The following DEPDC5 variants were observed in gnomAD, a reference collection of about 807,000 sequenced individuals.
The protein encoded by DEPDC5 is GATOR1 complex protein DEPDC5.
A neutral mutation model predicts 217.3 loss-of-function variants in DEPDC5; 73 were observed. The ratio of observed to expected loss-of-function variants is 0.34; its 90% confidence interval spans 0.28 to 0.41. DEPDC5 has a LOEUF of 0.41. Ranked by LOEUF, DEPDC5 falls within the 10% of genes least tolerant of loss-of-function variation. The probability of loss-of-function intolerance (pLI) is 1.00; values close to 1 mark genes in which losing one functional copy is unlikely to be tolerated. For missense variants in DEPDC5, 1,675 were observed against 2,070.1 expected (o/e 0.81, Z 3.70); for synonymous variants, 733 against 756.7 (o/e 0.97, Z 0.51).
rs534026420 is a variant in DEPDC5, at chr22:31,850,844, G to A, written c.3155+3877G>A. The stretch of plus-strand genomic sequence containing the variant: ...CCAGCACTTTGGGAGGCTGAGGCGG[G>A]TGGAACACAAGGTCAAGAGATTGAG... On this transcript the variant is annotated intron_variant, in intron 31 of 42. Transcript: ENST00000651528. Among the ~76,000 whole-genome samples the A allele has an allele frequency of 2.0e-5, 3 of 152,302 alleles. No individual in the cohort carries two copies. In the South Asian group the frequency reaches 6.2e-4, roughly 32 times the overall value.
Position 31,906,443 on chromosome 22 carries a change from G to A in DEPDC5, c.4758G>A (p.Arg1586=). 5 of 1,614,056 alleles carry A rather than the reference G, an allele frequency of 3.1e-6. No homozygotes were observed. The highest frequency in any genetic ancestry group is 4.2e-6 in the Non-Finnish European group (5 of 1,180,050). ...ACTTCTGCATCAACCGTGACAACCG[G>A]CTGGTCACGTTCTGGACAAGTTGCC... ...FTDFCINRDN[R]LVTFWTSCLE... The change falls in exon 43 of 43, where the codon CGG becomes CGA. Residue 1586 remains arginine, a synonymous_variant. Coordinates refer to ENST00000651528, the MANE Select transcript of DEPDC5 (RefSeq NM_001242896.3). This position sits in a 1 kb window ranked among gnomAD's most constrained non-coding sequence, Gnocchi z 5.1.
chr22:31,787,149 G>A (rs2085085899), intron 10 of DEPDC5, among the ~76,000 whole-genome samples: 3 of 151,992 alleles, frequency 2.0e-5, no homozygotes, highest in East Asian at 3.9e-4. Flanking sequence ...GCAGTGGAGC[G>A]ATCATGGCTC....
chr22:31,857,449 C>A lies in DEPDC5; in HGVS notation c.3160C>A (p.Leu1054Met). The A allele has an allele frequency of 6.2e-7, 1 of 1,604,914 alleles. No individual in the cohort carries two copies. The highest frequency in any genetic ancestry group is 8.5e-7 in the Non-Finnish European group (1 of 1,175,820). Residue 1054 changes from leucine (L) to methionine (M), a missense_variant, in exon 32 of 43, where the codon CTG becomes ATG. Leu to Met is a conservative substitution (Grantham distance 15). Coordinates refer to ENST00000651528, the MANE Select transcript of DEPDC5 (RefSeq NM_001242896.3). ...LLEMEASQKC[L>M]GEQQAAVHGG... ...ATGTGCTTTTCCTCCTTTCAGGTGC[C>A]TGGGAGAACAGCAGGCAGCTGTGCA...
chr22:31,860,752 G>A (rs1054490250), intron 32 of DEPDC5, among the ~76,000 whole-genome samples: 2 of 151,400 alleles, frequency 1.3e-5, no homozygotes, highest in South Asian at 2.1e-4. Flanking sequence ...TCCCCTGTTT[G>A]CTAAAAAAAA....
chr22:31,899,910 C>T (rs2093619332), intron 40 of DEPDC5, among the ~76,000 whole-genome samples: 1 of 152,192 alleles, frequency 6.6e-6, no homozygotes, highest in African/African-American at 2.4e-5. Context: ...CCACCCTTCC[C>T]CCTCCACTCT....
At chr22:31,801,462 C>A (rs1295823228) in intron 14 of DEPDC5, among the ~76,000 whole-genome samples, 1 of 152,066 alleles carries the variant, frequency 6.6e-6, no homozygotes, top group Non-Finnish European at 1.5e-5. Context: ...ATTATCCCGG[C>A]ATTTATGTGT....
intron 10 of DEPDC5, among the ~76,000 whole-genome samples, chr22:31,788,156 A>T (rs1436490499): frequency 6.6e-6 from 1 of 152,084 alleles, no homozygotes; most frequent in African/African-American, 2.4e-5. Flanking sequence ...AAGAATATAC[A>T]TGAATGTCCA....
chr22:31,879,945 C>T (rs2093130288), intron 38 of DEPDC5, 193 bp downstream of exon 38: 2 of 599,394 alleles, frequency 3.3e-6, no homozygotes, highest in South Asian at 3.9e-5. Context: ...ATGACTGTCC[C>T]AACCAACAGA....
chr22:31,761,967 CAAAAAAA>C (rs776677814), intron 4 of DEPDC5, among the ~76,000 whole-genome samples: 1 of 61,356 alleles, frequency 1.6e-5, no homozygotes, highest in Non-Finnish European at 3.8e-5. Flanking sequence ...GACTCCGGCT[CAAAAAAA>C]AAAAAAAAAA....
intron 38 of DEPDC5, among the ~76,000 whole-genome samples, chr22:31,880,705 G>A (rs1283474941): frequency 6.6e-6 from 1 of 152,006 alleles, no homozygotes; most frequent in African/African-American, 2.4e-5. Context: ...TTCAAGACCA[G>A]CCTGACCAAC....
intron 38 of DEPDC5, among the ~76,000 whole-genome samples, chr22:31,888,240 G>GTT (rs71184531): frequency 0.03 from 1,989 of 66,420 alleles, 434 homozygotes; most frequent in East Asian, 0.041. Context: ...TTTGTCTGTG[G>GTT]TTTTTTTTTT....
rs1233032816 is a variant in DEPDC5 at position 31,765,067 on chromosome 22, C to G, written c.279+7C>G. ...TAATGTCGTAGACCCTAAGGTATGT[C>G]TTTGTTTTGTACTTGAATATCTTTT... On this transcript the variant is annotated splice_region_variant and intron_variant, in intron 5 of 42. Transcript: ENST00000651528. 6.2e-7 allele frequency: 1 copy of G among 1,609,580 alleles called. No individual in the cohort carries two copies. Among genetic ancestry groups the G allele is most frequent in the Non-Finnish European group, 8.5e-7 (1 of 1,176,240 alleles).
chr22:31,794,390 A>G (rs2086011689), intron 12 of DEPDC5, among the ~76,000 whole-genome samples: 1 of 152,180 alleles, frequency 6.6e-6, no homozygotes, highest in Admixed American at 6.6e-5. Context: ...TAATTTGAGC[A>G]TGATCAGTTA....
intron 7 of DEPDC5, among the ~76,000 whole-genome samples, chr22:31,772,470 C>T (rs751751902): frequency 2.0e-4 from 31 of 152,196 alleles, no homozygotes; most frequent in Non-Finnish European, 3.4e-4. Flanking sequence ...TGGGTAACTT[C>T]GGTAAACCCT....
intron 41 of DEPDC5, among the ~76,000 whole-genome samples, chr22:31,903,065 A>G (rs1207568402): frequency 6.6e-6 from 1 of 151,506 alleles, no homozygotes; most frequent in Non-Finnish European, 1.5e-5. Context: ...TACCACAGAT[A>G]CCCTCACCTG....
chr22:31,774,812 C>T (rs1449945480), intron 7 of DEPDC5, among the ~76,000 whole-genome samples: 1 of 151,860 alleles, frequency 6.6e-6, no homozygotes, highest in East Asian at 2.0e-4. Flanking sequence ...ATAGTAGATA[C>T]GGGGTTTTAC....
intron 38 of DEPDC5, among the ~76,000 whole-genome samples, chr22:31,885,872 A>G (rs1374569747): frequency 1.3e-5 from 2 of 151,844 alleles, no homozygotes; most frequent in African/African-American, 4.8e-5. Context: ...CGTCTCTACT[A>G]AAAATGCAAA....
At chr22:31,861,266 T>C (rs1019280174) in intron 32 of DEPDC5, 102 bp from the exon 33 acceptor site, 287 of 1,050,978 alleles carry the variant, frequency 2.7e-4, no homozygotes, top group Non-Finnish European at 1.5e-4. Context: ...TTTTTTGTTT[T>C]TTATACCTGT....
intron 8 of DEPDC5, among the ~76,000 whole-genome samples, chr22:31,782,240 C>T (rs187569319): frequency 2.0e-5 from 3 of 151,192 alleles, no homozygotes; most frequent in African/African-American, 4.9e-5. Flanking sequence ...CGGATTCAAG[C>T]GATTGTCCTG....
Sources: gnomAD v4.1 joint callset for allele counts (sites outside exome capture counted in the v4.1 genomes callset) on GRCh38, gnomAD v4.1.1 for gene constraint, Gnocchi (gnomAD v3.1) non-coding constraint, MANE v1.5 for transcripts, NCBI Gene and HGNC (gene_info 2026-07-23, HGNC 2026-07-21) for gene names.